COL10A1: variants seen among roughly 807,000 people sequenced by gnomAD.
The protein encoded by COL10A1 is collagen alpha-1(X) chain.
Under a neutral mutation model 18.2 loss-of-function variants are expected in COL10A1, and 10 were observed. That is an observed-to-expected ratio of 0.55 (90% CI 0.34 to 0.93). The LOEUF is 0.93. Among genes scored for constraint, COL10A1 ranks in the 40% least tolerant of loss-of-function variants. The pLI, the probability that COL10A1 is intolerant of heterozygous loss-of-function variation, is 0.02. For missense variants in COL10A1, 897 were observed against 853.5 expected, an observed-to-expected ratio of 1.05 and a Z score of -0.64; for synonymous variants, 330 against 316.6, an observed-to-expected ratio of 1.04 and a Z score of -0.45.
At chr6:116,155,922 T>A (rs889050113) in intron 1 of COL10A1, among the ~76,000 whole-genome samples, 1 of 152,108 alleles carries the variant, frequency 6.6e-6, no homozygotes, top group Non-Finnish European at 1.5e-5. Context: ...TGGGAGAATT[T>A]ACAAGAGACA....
At chr6:116,216,315 TTTTTATA>T in the COL10A1 span, among the ~76,000 whole-genome samples, 459 of 152,038 alleles carry the variant, frequency 3.0e-3, 2 homozygotes, top group African/African-American at 0.01. Context: ...AGAATTCTGG[TTTTTATA>T]TTTTATATTT....
intron 1 of COL10A1, among the ~76,000 whole-genome samples, chr6:116,153,517 T>A (rs1780105401): frequency 6.6e-6 from 1 of 152,166 alleles, no homozygotes; most frequent in Non-Finnish European, 1.5e-5. Flanking sequence ...TTATAAACAT[T>A]TTCTAATTTT....
At chr6:116,200,399 T>A in the COL10A1 span, among the ~76,000 whole-genome samples, 1 of 151,982 alleles carries the variant, frequency 6.6e-6, no homozygotes, top group Non-Finnish European at 1.5e-5. Flanking sequence ...GTGAGGACTT[T>A]AGTTAATAAT....
chr6:116,144,695 G>A (rs1389298444), intron 1 of COL10A1, among the ~76,000 whole-genome samples: 3 of 152,158 alleles, frequency 2.0e-5, no homozygotes, highest in Non-Finnish European at 2.9e-5. Flanking sequence ...TGGGACAACT[G>A]TTTGTTAGAC....
the COL10A1 span, among the ~76,000 whole-genome samples, chr6:116,194,749 A>G: frequency 1.3e-5 from 2 of 152,082 alleles, no homozygotes; most frequent in African/African-American, 4.8e-5. Flanking sequence ...CAGAAGAGTT[A>G]GAAACAAATG....
At chr6:116,169,920 A>G in the COL10A1 span, among the ~76,000 whole-genome samples, 1 of 152,336 alleles carries the variant, frequency 6.6e-6, no homozygotes, top group East Asian at 1.9e-4. Flanking sequence ...AAAGGTAGAT[A>G]AGGAAGAAAG....
At chr6:116,180,388 G>A in the COL10A1 span, among the ~76,000 whole-genome samples, 1 of 152,006 alleles carries the variant, frequency 6.6e-6, no homozygotes, top group South Asian at 2.1e-4. Context: ...TTTAAAAAAT[G>A]AAAATGGAAT....
the COL10A1 span, among the ~76,000 whole-genome samples, chr6:116,178,151 G>A: frequency 2.0e-5 from 3 of 150,846 alleles, no homozygotes; most frequent in East Asian, 3.9e-4. Flanking sequence ...GTGGGACTGG[G>A]TCTAAATTTA....
chr6:116,201,203 T>TA, the COL10A1 span, among the ~76,000 whole-genome samples: 3 of 152,024 alleles, frequency 2.0e-5, no homozygotes, highest in East Asian at 5.8e-4. Context: ...CATGAGCAGA[T>TA]AAAAAAGTTT....
the COL10A1 span, among the ~76,000 whole-genome samples, chr6:116,187,247 C>T: frequency 6.6e-6 from 1 of 152,164 alleles, no homozygotes; most frequent in Admixed American, 6.6e-5. Flanking sequence ...GCTACCAGCA[C>T]CTGCTCCAGG....
chr6:116,181,190 T>G, the COL10A1 span, among the ~76,000 whole-genome samples: 1 of 152,012 alleles, frequency 6.6e-6, no homozygotes, highest in African/African-American at 2.4e-5. Context: ...TACATGTGTC[T>G]GAAAATTTCC....
intron 1 of COL10A1, among the ~76,000 whole-genome samples, chr6:116,156,206 T>C (rs1238423786): frequency 2.0e-5 from 3 of 152,210 alleles, no homozygotes; most frequent in Non-Finnish European, 4.4e-5. Flanking sequence ...CATTTGTCCC[T>C]GTTTTCTTGT....
chr6:116,162,130 T>C (rs2114429210), upstream of COL10A1, among the ~76,000 whole-genome samples: 1 of 152,340 alleles, frequency 6.6e-6, no homozygotes, highest in Non-Finnish European at 1.5e-5. Context: ...TAATTTTGTA[T>C]CCTGAGACTT....
chr6:116,144,744 G>A (rs1388253188), intron 1 of COL10A1, among the ~76,000 whole-genome samples: 6 of 152,154 alleles, frequency 3.9e-5, no homozygotes. Context: ...GAGTGGGTGG[G>A]ATAGCAGGAA....
chr6:116,155,718 C>T (rs1780172469), intron 1 of COL10A1, among the ~76,000 whole-genome samples: 2 of 141,828 alleles, frequency 1.4e-5, no homozygotes, highest in South Asian at 2.2e-4. Flanking sequence ...ATAAACAACA[C>T]TGCATCTACA....
upstream of COL10A1, among the ~76,000 whole-genome samples, chr6:116,162,472 A>G (rs1050306207): frequency 1.3e-5 from 2 of 152,034 alleles, no homozygotes; most frequent in Non-Finnish European, 2.9e-5. Flanking sequence ...TTTATTTATA[A>G]TTTTTATCAT....
At chr6:116,210,508 T>C in the COL10A1 span, among the ~76,000 whole-genome samples, 1 of 151,960 alleles carries the variant, frequency 6.6e-6, no homozygotes, top group Non-Finnish European at 1.5e-5. Context: ...GGTAGCTGTG[T>C]GACTTTGGGC....
the COL10A1 span, among the ~76,000 whole-genome samples, chr6:116,168,933 C>T: frequency 8.5e-5 from 13 of 152,132 alleles, no homozygotes; most frequent in Non-Finnish European, 1.5e-4. Context: ...ATATCTGGTT[C>T]GTACTTCTTT....
chr6:116,196,238 C>G, the COL10A1 span, among the ~76,000 whole-genome samples: 8 of 152,076 alleles, frequency 5.3e-5, no homozygotes, highest in African/African-American at 1.7e-4. Context: ...TCAGGAATTC[C>G]ATTTTTTAAC....
Sources: allele counts gnomAD v4.1 joint callset (sites outside exome capture counted in the v4.1 genomes callset), GRCh38; gene constraint gnomAD v4.1.1; transcripts MANE v1.5; gene names NCBI Gene and HGNC (gene_info 2026-07-23, HGNC 2026-07-21).